The following CDC14A variants were observed in gnomAD, a reference collection of about 807,000 sequenced individuals.
CDC14A encodes the protein cell division cycle 14A.
A neutral mutation model predicts 74.4 loss-of-function variants in CDC14A; 53 were observed. The ratio of observed to expected loss-of-function variants is 0.71; its 90% CI spans 0.57 to 0.89. The LOEUF (loss-of-function observed/expected upper bound fraction) is 0.89, where lower values mean the gene tolerates loss of function less well. Ranked by LOEUF, CDC14A falls within the 40% of genes least tolerant of loss-of-function variation. The pLI is 0.00. For synonymous variants in CDC14A, 247 were observed against 258.4 expected (o/e 0.96, Z 0.43); for missense variants, 646 against 713.7 (o/e 0.91, Z 1.08).
intron 4 of CDC14A, among the ~76,000 whole-genome samples, chr1:100,403,112 G>A (rs559669216): frequency 6.6e-6 from 1 of 151,850 alleles, no homozygotes; most frequent in South Asian, 2.1e-4. Context: ...AAGTAGGTTG[G>A]GCTGGTATCT....
intron 7 of CDC14A, among the ~76,000 whole-genome samples, chr1:100,453,517 T>C (rs1027272937): frequency 1.3e-5 from 2 of 152,276 alleles, no homozygotes; most frequent in Non-Finnish European, 2.9e-5. Context: ...AAGCAAATTT[T>C]AATTGCCATA....
intron 3 of CDC14A, among the ~76,000 whole-genome samples, chr1:100,384,726 T>C (rs1571020154): frequency 6.6e-6 from 1 of 152,234 alleles, no homozygotes; most frequent in East Asian, 1.9e-4. Context: ...GCTTAAACAC[T>C]GTTTAAAAAA....
intron 3 of CDC14A, among the ~76,000 whole-genome samples, chr1:100,385,200 CA>C (rs1274193006): frequency 6.6e-6 from 1 of 152,122 alleles, no homozygotes; most frequent in Non-Finnish European, 1.5e-5. Context: ...AAAAGATTCC[CA>C]GGGGTGGGAC....
At chr1:100,420,885 A>G (rs1662286848) in intron 4 of CDC14A, among the ~76,000 whole-genome samples, 1 of 152,178 alleles carries the variant, frequency 6.6e-6, no homozygotes, top group Non-Finnish European at 1.5e-5. Context: ...TGGCTCTTTA[A>G]GAAGCTTTTA....
chr1:100,455,929 A>C (rs1420291299), intron 8 of CDC14A, among the ~76,000 whole-genome samples: 1 of 152,242 alleles, frequency 6.6e-6, no homozygotes, highest in East Asian at 1.9e-4. Context: ...GGTGCTAGTT[A>C]CACAGATCAC....
At chr1:100,353,273 C>T (rs1651378468) in intron 1 of CDC14A, among the ~76,000 whole-genome samples, 1 of 152,264 alleles carries the variant, frequency 6.6e-6, no homozygotes, top group African/African-American at 2.4e-5. Context: ...CGGCACTCAG[C>T]AGCTCATGGG....
At chr1:100,486,038 G>C (rs1290215825) in intron 11 of CDC14A, 1 of 152,176 alleles carries the variant, frequency 6.6e-6, no homozygotes, top group Non-Finnish European at 1.5e-5. Flanking sequence ...CAAATAAAAA[G>C]AAAGGGTCTG....
chr1:100,466,871 CAAAAA>C (rs11382441), intron 9 of CDC14A, among the ~76,000 whole-genome samples: 8 of 87,320 alleles, frequency 9.2e-5, no homozygotes, highest in Admixed American at 8.7e-4. Flanking sequence ...ACTCGGTCTC[CAAAAA>C]AAAAAAAAAA....
At position 100,485,651 on chromosome 1, in the gene CDC14A, C is replaced by T. The variant is rs183698606; in HGVS notation, c.1137+1200C>T. 1.5e-4 allele frequency among the ~76,000 whole-genome samples: 23 copies of T among 152,196 alleles called. No individual in the cohort carries two copies. The East Asian group carries it at 3.9e-3, about 26-fold the overall frequency. ...CTATTAGACAGTGACCCATTAGACCCGGACAAGGGCCTTAAACCAAATACT... is the reference window on the plus strand; with the variant it reads ...CTATTAGACAGTGACCCATTAGACCTGGACAAGGGCCTTAAACCAAATACT... On this transcript the variant is annotated intron_variant, in intron 11 of 15. Coordinates refer to ENST00000336454, the MANE Select transcript of CDC14A (RefSeq NM_003672.4).
intron 6 of CDC14A, among the ~76,000 whole-genome samples, chr1:100,440,688 T>C (rs1046348885): frequency 1.3e-5 from 2 of 152,210 alleles, no homozygotes; most frequent in East Asian, 3.8e-4. Context: ...CTATTGATCA[T>C]AGGACATATA....
chr1:100,376,449 G>T (rs192536281), intron 2 of CDC14A, among the ~76,000 whole-genome samples: 5 of 152,290 alleles, frequency 3.3e-5, no homozygotes, highest in African/African-American at 1.2e-4. Flanking sequence ...GTGATTGAGA[G>T]ATTTAATGCC....
rs138365815 is a variant in CDC14A, at chr1:100,499,162, G to T, written c.1655G>T (p.Gly552Val). 176 of 1,613,958 alleles carry T rather than the reference G, an allele frequency of 1.1e-4. No homozygotes were observed. The highest frequency in any genetic ancestry group is 1.4e-4 in the Non-Finnish European group (162 of 1,180,026). The change falls in exon 15 of 16, where the codon GGC becomes GTC. Residue 552 changes from glycine to valine, a missense_variant. Gly to Val is a moderately radical substitution (Grantham distance 109, BLOSUM62 -3). Coordinates refer to ENST00000336454, the MANE Select transcript of CDC14A (RefSeq NM_003672.4). The stretch of plus-strand genomic sequence containing the variant: ...GGGGGCAACCTGAACAGCCCCCCAG[G>T]CCCCCACAGCGCCAAGACAGAGGAG... ...SNGGNLNSPP[G>V]PHSAKTEEHT...
rs770265405 is a variant in CDC14A, at chr1:100,495,341, C to A, written c.1250+411C>A. 5.6e-4 allele frequency among the ~76,000 whole-genome samples: 86 copies of A among 152,282 alleles called. 1 individual carries two copies. The highest frequency in any genetic ancestry group is 7.8e-4 in the Non-Finnish European group (53 of 68,016). On this transcript the variant is annotated intron_variant, in intron 12 of 15. Transcript: ENST00000336454. ...CTGGCAATCTAAGCTAGTTCCTCAG[C>A]TTTACCTTCTATTTTTGAAAATTGA... is the stretch of plus-strand genomic sequence containing the variant.
rs971823142 is a variant in CDC14A, at chr1:100,397,313, G to C, written c.309+6489G>C. Among the ~76,000 whole-genome samples the C allele has an allele frequency of 1.1e-4, 16 of 152,318 alleles. No individual in the cohort carries two copies. In the East Asian group the frequency reaches 3.1e-3, roughly 29 times the overall value. ...TGCATTGTGACATTGTGCTCCTTGA[G>C]ATGGAAGGCTCAGATTTAAGAAGAG... On this transcript the variant is annotated intron_variant, in intron 4 of 15. Transcript: ENST00000336454.
chr1:100,462,927 C>T (rs372609020), intron 9 of CDC14A, 46 bp downstream of exon 9: 46 of 1,438,936 alleles, frequency 3.2e-5, no homozygotes, highest in Non-Finnish European at 4.4e-5. Flanking sequence ...ATCGAAGGGG[C>T]GGGCCAAGGA....
At chr1:100,457,106 T>G (rs1196692510) in intron 8 of CDC14A, among the ~76,000 whole-genome samples, 1 of 152,146 alleles carries the variant, frequency 6.6e-6, no homozygotes, top group African/African-American at 2.4e-5. Context: ...TCAGTAGTAG[T>G]TTTGTTGTTG....
chr1:100,463,029 AT>A, intron 9 of CDC14A, 148 bp downstream of exon 9: 2 of 626,002 alleles, frequency 3.2e-6, no homozygotes, highest in Admixed American at 5.8e-5. Flanking sequence ...ACTCATTTTA[AT>A]AACCCCTTCT....
At chr1:100,368,364 A>C (rs941286375) in intron 2 of CDC14A, among the ~76,000 whole-genome samples, 1 of 152,180 alleles carries the variant, frequency 6.6e-6, no homozygotes, top group Non-Finnish European at 1.5e-5. Context: ...CAACTTAAGG[A>C]TAATGTTTGT....
intron 5 of CDC14A, among the ~76,000 whole-genome samples, chr1:100,434,612 T>C (rs967188148): frequency 6.6e-6 from 1 of 152,106 alleles, no homozygotes; most frequent in Non-Finnish European, 1.5e-5. Flanking sequence ...GTGAAACCAA[T>C]GGTGCATAGT....
Sources: gnomAD v4.1 joint callset for allele counts (sites outside exome capture counted in the v4.1 genomes callset) on GRCh38, gnomAD v4.1.1 for gene constraint, MANE v1.5 for transcripts, NCBI Gene and HGNC (gene_info 2026-07-23, HGNC 2026-07-21) for gene names.